The following AFF4 variants were observed in gnomAD, a reference collection of about 807,000 sequenced individuals.
AFF4 encodes ALF transcription elongation factor 4, also known as AF4/FMR2 family member 4.
Under a neutral mutation model 124.8 loss-of-function variants are expected in AFF4, and 13 were observed. The observed-to-expected ratio is 0.10, with a 90% CI of 0.07 to 0.17. The LOEUF is 0.17. Ranked by LOEUF, AFF4 falls within the 10% of genes least tolerant of loss-of-function variation. The probability of loss-of-function intolerance (pLI) is 1.00; values close to 1 mark genes in which losing one functional copy is unlikely to be tolerated. For missense variants in AFF4, 1,092 were observed against 1,403.8 expected (o/e 0.78, Z 3.55); for synonymous variants, 477 against 496.1 (o/e 0.96, Z 0.51).
chr5:132,898,467 C>G (rs1382563593), intron 9 of AFF4, 75 bp from the exon 10 acceptor site: 2 of 1,449,464 alleles, frequency 1.4e-6, no homozygotes, highest in Non-Finnish European at 1.9e-6. Flanking sequence ...AATCGACAAC[C>G]AACTTTCTTT....
At chr5:132,922,341 C>G (rs753844304) in intron 5 of AFF4, among the ~76,000 whole-genome samples, 8 of 151,266 alleles carry the variant, frequency 5.3e-5, no homozygotes, top group Admixed American at 1.3e-4. Context: ...CTGCTTGAGT[C>G]CGGGAGTTCG....
chr5:132,957,037 A>C (rs1761979032), intron 1 of AFF4, among the ~76,000 whole-genome samples: 1 of 150,212 alleles, frequency 6.7e-6, no homozygotes, highest in Non-Finnish European at 1.5e-5. Context: ...AAAAAAAAAA[A>C]AAAAAAAAAA....
At chr5:132,911,844 C>G (rs1316084647) in intron 5 of AFF4, among the ~76,000 whole-genome samples, 1 of 147,426 alleles carries the variant, frequency 6.8e-6, no homozygotes, top group Non-Finnish European at 1.5e-5. Flanking sequence ...ACTTAAAGAC[C>G]GCCAAAAAAA....
chr5:132,912,191 AAC>A (rs1425390807), intron 5 of AFF4, among the ~76,000 whole-genome samples: 55 of 151,350 alleles, frequency 3.6e-4, no homozygotes, highest in Middle Eastern at 6.8e-3. Context: ...AAAAAAAAAA[AAC>A]ATTTAGCAGG....
At chr5:132,907,926 A>T (rs1217452790) in intron 5 of AFF4, among the ~76,000 whole-genome samples, 1 of 152,202 alleles carries the variant, frequency 6.6e-6, no homozygotes, top group Non-Finnish European at 1.5e-5. Context: ...AGACCATATT[A>T]AAGACCTGTG....
intron 18 of AFF4, 78 bp downstream of exon 18, chr5:132,886,232 A>T: frequency 8.1e-7 from 1 of 1,230,976 alleles, no homozygotes; most frequent in Non-Finnish European, 1.2e-6. Flanking sequence ...CATAAACATG[A>T]GGGCAGTTCT....
At position 132,931,562 on chromosome 5, in the gene AFF4, A is replaced by G. The variant is rs773573084; in HGVS notation, c.963+616T>C. Among the ~76,000 whole-genome samples the G allele has an allele frequency of 1.3e-5, 2 of 152,254 alleles. 1 individual carries two copies. Among genetic ancestry groups the G allele is most frequent in the Admixed American group, 1.3e-4 (2 of 15,282 alleles). On this transcript the variant is annotated intron_variant, in intron 4 of 20. Coordinates refer to ENST00000265343, the MANE Select transcript of AFF4 (RefSeq NM_014423.4). ...ATAACTACTGAGTTTTTTGCACTTCAAATTATTAACAGTTAAGCATGAGAA... is the reference window on the plus strand; with the variant it reads ...ATAACTACTGAGTTTTTTGCACTTCGAATTATTAACAGTTAAGCATGAGAA...
chr5:132,890,987 T>TA (rs1760240512), intron 13 of AFF4, among the ~76,000 whole-genome samples: 1 of 151,558 alleles, frequency 6.6e-6, no homozygotes, highest in African/African-American at 2.4e-5. Context: ...CTCACTTATT[T>TA]AAAAGCAAAT....
chr5:132,899,720 T>A, intron 7 of AFF4, 79 bp from the exon 8 acceptor site: 1 of 1,315,678 alleles, frequency 7.6e-7, no homozygotes, highest in African/African-American at 1.5e-5. Context: ...CTACTAAAAA[T>A]TCTAGAAATA....
chr5:132,887,478 G>T (rs372222187), intron 17 of AFF4, 43 bp downstream of exon 17: 5 of 1,531,304 alleles, frequency 3.3e-6, no homozygotes, highest in Non-Finnish European at 4.5e-6. Context: ...ATTTATTATA[G>T]AACTTCCTGT....
At chr5:132,892,037 AG>A in intron 13 of AFF4, 126 bp downstream of exon 13, 1 of 1,344,916 alleles carries the variant, frequency 7.4e-7, no homozygotes, top group South Asian at 1.3e-5. Flanking sequence ...TTACATATAG[AG>A]GGTAAAAGAC....
intron 5 of AFF4, among the ~76,000 whole-genome samples, chr5:132,925,531 T>C (rs1561497846): frequency 6.6e-6 from 1 of 151,998 alleles, no homozygotes; most frequent in Non-Finnish European, 1.5e-5. Context: ...TATAAGAAAT[T>C]ATTAGAATCC....
chr5:132,896,575 A>C lies in AFF4; in HGVS notation c.2055T>G (p.Asp685Glu). 1 of 1,614,052 alleles carries C rather than the reference A, an allele frequency of 6.2e-7. No homozygotes were observed. Among genetic ancestry groups the C allele is most frequent in the Non-Finnish European group, 8.5e-7 (1 of 1,180,010 alleles). The part of the protein sequence containing the change: ...PVKPSSVEEE[D>E]SFFRQRMFSP... Reference sequence around the variant, plus strand: ...AGAACATTCGTTGCCGAAAAAAGCTATCTTCTTCCTCCACTGAGGAGGGTT... The same window carrying C: ...AGAACATTCGTTGCCGAAAAAAGCTCTCTTCTTCCTCCACTGAGGAGGGTT... Residue 685 changes from aspartate to glutamate, a missense_variant, in exon 11 of 21, where the codon GAT becomes GAG. Physicochemically the swap from Asp to Glu is conservative, Grantham distance 45 (BLOSUM62 2). Coordinates refer to ENST00000265343, the MANE Select transcript of AFF4 (RefSeq NM_014423.4).
intron 2 of AFF4, 54 bp downstream of exon 2, chr5:132,937,013 A>C: frequency 6.4e-7 from 1 of 1,554,566 alleles, no homozygotes; most frequent in Non-Finnish European, 8.7e-7. Context: ...AAACATTTTA[A>C]AAGCAAAAAT....
At position 132,877,827 on chromosome 5, in the gene AFF4, TGAAAA is replaced by T. The variant is rs1469004425; in HGVS notation, c.*3227_*3231del. On this transcript the variant is annotated 3_prime_UTR_variant, in exon 21 of 21. Transcript: ENST00000265343. ...CTGATCTGTCTGATTAAACCTTTAA[TGAAAA>T]GAAACGAACAACAATTTTTTAAAAA... 4.6e-6 allele frequency: 1 copy of T among 216,680 alleles called. No individual in the cohort carries two copies. Among genetic ancestry groups the T allele is most frequent in the Non-Finnish European group, 9.3e-6 (1 of 107,504 alleles). 13.4% of individuals were successfully genotyped at this position (216,680 alleles called of 1,614,324 possible). A position where few individuals can be genotyped will look rare whatever the true frequency, so the allele number is the denominator to read the frequency against.
intron 5 of AFF4, among the ~76,000 whole-genome samples, chr5:132,907,934 G>A (rs142928062): frequency 6.6e-6 from 1 of 152,128 alleles, no homozygotes; most frequent in African/African-American, 2.4e-5. Context: ...TTAAAGACCT[G>A]TGTGTGTGCA....
At chr5:132,903,837 T>A (rs1760609279) in intron 6 of AFF4, 1 of 152,304 alleles carries the variant, frequency 6.6e-6, no homozygotes, top group Non-Finnish European at 1.5e-5. Flanking sequence ...TCAAATTGTA[T>A]TCATGAACTA....
chr5:132,951,584 G>A (rs954540370), intron 1 of AFF4, among the ~76,000 whole-genome samples: 1 of 152,138 alleles, frequency 6.6e-6, no homozygotes, highest in African/African-American at 2.4e-5. Flanking sequence ...CTGGAGTGCA[G>A]TGGCACGATC....
chr5:132,898,340 C>T lies in AFF4; in HGVS notation c.1279G>A (p.Asp427Asn). ...TCAGATCCACTGTGGCTACTAGAATCATCCCTGGAGTTATCTGCTCCTTCA... is the reference window on the plus strand; with the variant it reads ...TCAGATCCACTGTGGCTACTAGAATTATCCCTGGAGTTATCTGCTCCTTCA... ...NSEGADNSRD[D>N]SSSHSGSESS... Residue 427 changes from aspartate (D) to asparagine (N), a missense_variant, in exon 10 of 21, where the codon GAT becomes AAT. Physicochemically the swap from Asp to Asn is conservative, Grantham distance 23. Around this residue, in one of 11 missense-constraint regions of AFF4, gnomAD observed 148 missense variants for 196.3 expected, o/e 0.75. Transcript: ENST00000265343. 6.2e-7 allele frequency: 1 copy of T among 1,614,210 alleles called. No homozygotes were observed.
Sources: allele counts gnomAD v4.1 joint callset (sites outside exome capture counted in the v4.1 genomes callset), GRCh38; gene constraint gnomAD v4.1.1; regional missense constraint gnomAD v4.1.1; transcripts MANE v1.5; gene names NCBI Gene and HGNC (gene_info 2026-07-23, HGNC 2026-07-21).